The following TNIP3 variants were observed in gnomAD, a reference collection of about 807,000 sequenced individuals.
TNIP3 encodes the protein TNFAIP3-interacting protein 3.
Under a neutral mutation model 54.1 loss-of-function variants are expected in TNIP3, and 34 were observed. The ratio of observed to expected loss-of-function variants is 0.63; its 90% confidence interval spans 0.48 to 0.84. The LOEUF (loss-of-function observed/expected upper bound fraction) is 0.84. Ranked by LOEUF, TNIP3 falls within the 40% of genes least tolerant of loss-of-function variation. TNIP3 has a pLI of 0.00. For synonymous variants in TNIP3, 134 were observed against 136.8 expected (o/e 0.98, Z 0.14); for missense variants, 366 against 387.6 (o/e 0.94, Z 0.47).
upstream of TNIP3, among the ~76,000 whole-genome samples, chr4:121,219,224 C>A (rs899516009): frequency 6.6e-5 from 10 of 151,884 alleles, no homozygotes; most frequent in Non-Finnish European, 1.5e-4. Context: ...AACAAACAAA[C>A]AAAAAACCCA....
chr4:121,216,540 A>C, intron 1 of TNIP3: 1 of 1,532,632 alleles, frequency 6.5e-7, no homozygotes, highest in Non-Finnish European at 8.7e-7. Context: ...GCTCAGATGT[A>C]CGTCAAGGGA....
At chr4:121,144,350 C>A (rs1729303748) in intron 7 of TNIP3, among the ~76,000 whole-genome samples, 1 of 152,076 alleles carries the variant, frequency 6.6e-6, no homozygotes, top group Non-Finnish European at 1.5e-5. Context: ...TTATAAAATA[C>A]CTCTGAGCCA....
chr4:121,152,968 A>T (rs984367354), intron 5 of TNIP3, among the ~76,000 whole-genome samples: 1 of 152,220 alleles, frequency 6.6e-6, no homozygotes, highest in Non-Finnish European at 1.5e-5. Flanking sequence ...CATAAAAGTT[A>T]GACATTATAT....
chr4:121,210,699 A>G (rs1302734917), intron 2 of TNIP3, among the ~76,000 whole-genome samples: 3 of 152,118 alleles, frequency 2.0e-5, no homozygotes, highest in Admixed American at 2.0e-4. Flanking sequence ...TTCTTTGTGC[A>G]TGTGTGGAGA....
intron 6 of TNIP3, among the ~76,000 whole-genome samples, chr4:121,147,619 A>G (rs948918074): frequency 2.0e-5 from 3 of 152,230 alleles, no homozygotes; most frequent in African/African-American, 7.2e-5. Flanking sequence ...ATTTGAGAAA[A>G]GTGACTAAAC....
intron 2 of TNIP3, 150 bp downstream of exon 2, chr4:121,160,986 G>A (rs1311565560): frequency 3.1e-6 from 2 of 651,136 alleles, no homozygotes; most frequent in Admixed American, 6.1e-5. Context: ...TAAGAAAGAA[G>A]GCGTTTGCTT....
intron 7 of TNIP3, among the ~76,000 whole-genome samples, chr4:121,146,827 G>A (rs541370698): frequency 2.6e-5 from 4 of 152,036 alleles, no homozygotes; most frequent in East Asian, 1.9e-4. Flanking sequence ...AAAAAACTTT[G>A]GAATGCAATT....
At chr4:121,176,106 T>C (rs1724311162) in intron 3 of TNIP3, among the ~76,000 whole-genome samples, 1 of 152,242 alleles carries the variant, frequency 6.6e-6, no homozygotes, top group Non-Finnish European at 1.5e-5. Flanking sequence ...CTGGCCTATT[T>C]ATCCACTAAT....
intron 1 of TNIP3, among the ~76,000 whole-genome samples, chr4:121,224,272 A>G (rs1310412971): frequency 2.0e-5 from 3 of 152,108 alleles, no homozygotes; most frequent in Non-Finnish European, 2.9e-5. Flanking sequence ...CTGAGACAGG[A>G]GAATCACTTG....
intron 2 of TNIP3, among the ~76,000 whole-genome samples, chr4:121,159,380 T>G (rs1175403153): frequency 6.6e-6 from 1 of 152,270 alleles, no homozygotes; most frequent in East Asian, 1.9e-4. Context: ...TTTCTTTGTT[T>G]AATCCAACCA....
intron 5 of TNIP3, among the ~76,000 whole-genome samples, chr4:121,152,572 C>T (rs1383891841): frequency 3.3e-5 from 5 of 151,998 alleles, no homozygotes; most frequent in Admixed American, 6.6e-5. Context: ...ATCCATTCAC[C>T]CATTCAATAA....
chr4:121,220,168 G>A (rs1028348725), upstream of TNIP3, among the ~76,000 whole-genome samples: 2 of 152,118 alleles, frequency 1.3e-5, no homozygotes, highest in African/African-American at 4.8e-5. Context: ...AAGAATACAT[G>A]AAAAGCTTTC....
At chr4:121,175,916 T>A (rs767142449) in intron 3 of TNIP3, among the ~76,000 whole-genome samples, 12 of 152,220 alleles carry the variant, frequency 7.9e-5, no homozygotes, top group Non-Finnish European at 1.5e-4. Flanking sequence ...TGGTGTACTT[T>A]ATTAGAAAAT....
intron 2 of TNIP3, among the ~76,000 whole-genome samples, chr4:121,187,906 G>C (rs1725106643): frequency 6.6e-6 from 1 of 151,776 alleles, no homozygotes; most frequent in African/African-American, 2.4e-5. Context: ...TACTTTTTTT[G>C]GTCTAAGAGT....
At chr4:121,168,673 T>A (rs1173922262), upstream of TNIP3, among the ~76,000 whole-genome samples, 1 of 151,974 alleles carries the variant, frequency 6.6e-6, no homozygotes, top group African/African-American at 2.4e-5. Context: ...TACAACCACA[T>A]CTGGCTATTT....
At position 121,147,151 on chromosome 4, in the gene TNIP3, G is replaced by A. The variant is rs1729481369; in HGVS notation, c.633C>T (p.Phe211=). The change falls in exon 7 of 11, where the codon TTC becomes TTT. Residue 211 remains phenylalanine (F), a synonymous_variant. Coordinates refer to ENST00000057513, the MANE Select transcript of TNIP3 (RefSeq NM_024873.6). ...KQQVQIYEED[F]KKERSDRERL... The stretch of plus-strand genomic sequence containing the variant: ...TCTCTCGATCCGATCGTTCCTTTTT[G>A]AAGTCTTCTTCGTATATTTGCACCT... 1 of 1,611,474 alleles carries A rather than the reference G, an allele frequency of 6.2e-7. No individual in the cohort carries two copies. Among genetic ancestry groups the A allele is most frequent in the African/African-American group, 1.3e-5 (1 of 74,696 alleles).
Position 121,215,886 on chromosome 4 carries a change from A to AG in TNIP3, c.68+528_68+529insC, listed in dbSNP as rs1179930578. Among the ~76,000 whole-genome samples the AG allele has an allele frequency of 2.6e-5, 4 of 151,974 alleles. No homozygotes were observed. The South Asian group carries it at 6.2e-4, about 24-fold the overall frequency. On this transcript the variant is annotated intron_variant, in intron 2 of 12. Transcript: ENST00000507879. Reference sequence around the variant, plus strand: ...CATGTATTAGGTGCCACATTAAAAAAAAAAAAAAAGAAATAACTGAACCAA... The same window carrying AG: ...CATGTATTAGGTGCCACATTAAAAAAGAAAAAAAAAGAAATAACTGAACCAA...
intron 2 of TNIP3, among the ~76,000 whole-genome samples, chr4:121,212,762 G>A (rs906667420): frequency 3.9e-5 from 6 of 152,100 alleles, no homozygotes; most frequent in East Asian, 1.9e-4. Flanking sequence ...TTAACTTACC[G>A]CAACTGTATA....
intron 6 of TNIP3, 83 bp from the exon 7 acceptor site, chr4:121,147,257 C>T: frequency 6.6e-7 from 1 of 1,503,802 alleles, no homozygotes; most frequent in South Asian, 1.3e-5. Context: ...TGACTGCTGC[C>T]TACTCCATTA....
Sources: gnomAD v4.1 joint callset for allele counts (sites outside exome capture counted in the v4.1 genomes callset) on GRCh38, gnomAD v4.1.1 for gene constraint, MANE v1.5 for transcripts, NCBI Gene and HGNC (gene_info 2026-07-23, HGNC 2026-07-21) for gene names.